Variants in SSH1 observed in about 807,000 individuals in gnomAD.
SSH1 encodes protein phosphatase Slingshot homolog 1.
A neutral mutation model predicts 79.7 loss-of-function variants in SSH1; 43 were observed. The observed-to-expected ratio is 0.54, with a 90% confidence interval of 0.42 to 0.70. The LOEUF is 0.70. Ranked by LOEUF, SSH1 falls within the 30% of genes least tolerant of loss-of-function variation. SSH1 has a pLI of 0.00. For missense variants in SSH1, 1,206 were observed against 1,358.8 expected, an observed-to-expected ratio of 0.89 and a Z score of 1.77; for synonymous variants, 599 against 538.3, an observed-to-expected ratio of 1.11 and a Z score of -1.56.
At chr12:108,851,806 C>T (rs1376952085) in intron 2 of SSH1, among the ~76,000 whole-genome samples, 1 of 151,940 alleles carries the variant, frequency 6.6e-6, no homozygotes, top group Non-Finnish European at 1.5e-5. Context: ...AAGTGCTTAC[C>T]GCAAAAGGAA....
In SSH1 at chr12:108,802,336, T is replaced by C. The variant is rs2037051582; in HGVS notation, c.987A>G (p.Glu329=). Residue 329 remains glutamate, a synonymous_variant, in exon 11 of 15, where the codon GAA becomes GAG. Transcript: ENST00000326495. ...AGGAGACTCACCCTGAGCCCTGCAG[T>C]TCCTCCAGATTGGATGCATTCCATT... The part of the protein sequence containing the change: ...GSEWNASNLE[E]LQGSGVDYIL... 1.9e-6 allele frequency: 3 copies of C among 1,613,838 alleles called. No individual in the cohort carries two copies. Among genetic ancestry groups the C allele is most frequent in the East Asian group, 4.5e-5 (2 of 44,880 alleles).
Position 108,857,313 on chromosome 12 carries a change from G to A in SSH1, c.69+115C>T, listed in dbSNP as rs568165116. On this transcript the variant is annotated intron_variant, in intron 1 of 14. Transcript: ENST00000326495. This position sits in a 1 kb window ranked among gnomAD's most constrained non-coding sequence, Gnocchi z 4.7. ...GCTGCCCGGCTCTGTTCCTACGGCG[G>A]GGCCCCGAGGAGCCCGCGCAGCCGC... 5.4e-4 allele frequency: 273 copies of A among 508,226 alleles called. 2 individuals are homozygous for A. The highest frequency in any genetic ancestry group is 2.5e-4 in the Non-Finnish European group (98 of 393,950). The allele number at this position is 508,226 out of a possible 1,614,324, so 31.5% of individuals were successfully genotyped here. A position where few individuals can be genotyped will look rare whatever the true frequency, so the allele number is the denominator to read the frequency against.
chr12:108,806,851 A>G (rs746782499), intron 8 of SSH1, among the ~76,000 whole-genome samples: 2 of 152,228 alleles, frequency 1.3e-5, no homozygotes, highest in African/African-American at 2.4e-5. Context: ...TCTAGGGGAC[A>G]CACAGACCAG....
intron 1 of SSH1, among the ~76,000 whole-genome samples, chr12:108,855,103 C>A (rs1235055349): frequency 6.6e-6 from 1 of 152,084 alleles, no homozygotes; most frequent in Non-Finnish European, 1.5e-5. Context: ...AGACACAACA[C>A]AAATGTCCAA....
At chr12:108,833,794 CATTTTAGTTA>C (rs1566011610) in intron 2 of SSH1, 1 of 152,330 alleles carries the variant, frequency 6.6e-6, no homozygotes, top group East Asian at 1.9e-4. Flanking sequence ...CATTTTATTT[CATTTTAGTTA>C]ATTTAAATTT....
chr12:108,802,684 G>C (rs2037072006), intron 10 of SSH1, among the ~76,000 whole-genome samples: 1 of 152,166 alleles, frequency 6.6e-6, no homozygotes, highest in Admixed American at 6.5e-5. Context: ...GTCCAGTGGG[G>C]GGGGGTCCTG....
At chr12:108,815,421 G>C (rs890749380) in intron 5 of SSH1, among the ~76,000 whole-genome samples, 5 of 152,214 alleles carry the variant, frequency 3.3e-5, no homozygotes, top group Non-Finnish European at 5.9e-5. Flanking sequence ...CAGGCCATGG[G>C]AGGCCGATTT....
At position 108,807,924 on chromosome 12, in the gene SSH1, CA is replaced by C. The variant is rs2037368596; in HGVS notation, c.537-98del. On this transcript the variant is annotated intron_variant, in intron 7 of 14. Transcript: ENST00000326495. The surrounding 1 kb of genome is among the most constrained non-coding windows in gnomAD (Gnocchi z 5.2). Reference sequence around the variant, plus strand: ...GGGTTCAAATACGGGAAGGGAAGGGCAATGATTGATTGGTTGATTATTTCTT... The same window carrying C: ...GGGTTCAAATACGGGAAGGGAAGGGCATGATTGATTGGTTGATTATTTCTT... 1 of 1,080,182 alleles carries C rather than the reference CA, an allele frequency of 9.3e-7. No individual in the cohort carries two copies. Among genetic ancestry groups the C allele is most frequent in the South Asian group, 1.3e-5 (1 of 75,988 alleles). 66.9% of individuals were successfully genotyped at this position (1,080,182 alleles called of 1,614,324 possible).
At position 108,779,411 on chromosome 12, in the gene SSH1, G is replaced by C. The variant is rs145167169; in HGVS notation, c.*8577C>G. Reference sequence around the variant, plus strand: ...CTGCTTCCTTGCTGAAACCACAAGGGAGATCAAGATGCATCTTTGTCTGGC... The same window carrying C: ...CTGCTTCCTTGCTGAAACCACAAGGCAGATCAAGATGCATCTTTGTCTGGC... On this transcript the variant is annotated 3_prime_UTR_variant, in exon 15 of 15. Transcript: ENST00000326495. The C allele has an allele frequency of 6.6e-6, 1 of 152,322 alleles. No individual in the cohort carries two copies. The highest frequency in any genetic ancestry group is 1.5e-5 in the Non-Finnish European group (1 of 68,036). 9.4% of individuals were successfully genotyped at this position (152,322 alleles called of 1,614,324 possible).
chr12:108,810,826 T>C (rs1185100645), intron 6 of SSH1, among the ~76,000 whole-genome samples: 1 of 152,168 alleles, frequency 6.6e-6, no homozygotes, highest in Non-Finnish European at 1.5e-5. Context: ...GCCCCCAGGG[T>C]GGCGCTTGAA....
intron 2 of SSH1, among the ~76,000 whole-genome samples, chr12:108,843,844 T>A (rs1330627958): frequency 6.6e-6 from 1 of 152,180 alleles, no homozygotes. Context: ...CTCTTAATAA[T>A]GTTTTTAAAA....
Position 108,783,603 on chromosome 12 carries a change from A to C in SSH1, c.*4385T>G, listed in dbSNP as rs2036190039. ...CCCCAGCACCTATGGCCAAACAAGA[A>C]GACGGCAGTCTCTCCAGAACCACCC... On this transcript the variant is annotated 3_prime_UTR_variant, in exon 15 of 15. Transcript: ENST00000326495. The C allele has an allele frequency of 1.3e-5, 2 of 152,192 alleles. No homozygotes were observed. The highest frequency in any genetic ancestry group is 2.1e-4 in the South Asian group (1 of 4,830). 9.4% of individuals were successfully genotyped at this position (152,192 alleles called of 1,614,324 possible). A position where few individuals can be genotyped will look rare whatever the true frequency, so the allele number is the denominator to read the frequency against.
intron 2 of SSH1, among the ~76,000 whole-genome samples, chr12:108,832,698 G>A (rs535386517): frequency 2.6e-5 from 4 of 152,184 alleles, no homozygotes; most frequent in Non-Finnish European, 4.4e-5. Flanking sequence ...TTTGGAACTC[G>A]TGTTTAAAAG....
In SSH1 at chr12:108,788,485, C is replaced by T. The variant is rs748642886; in HGVS notation, c.2653G>A (p.Ala885Thr). The T allele has an allele frequency of 1.7e-5, 27 of 1,555,644 alleles. No individual in the cohort carries two copies. The highest frequency in any genetic ancestry group is 2.2e-5 in the Non-Finnish European group (25 of 1,153,548). Residue 885 changes from alanine to threonine, a missense_variant, in exon 15 of 15, where the codon GCC becomes ACC. By Grantham distance (58) the Ala-to-Thr change is moderately conservative. Transcript: ENST00000326495. ...SQAGSDEKSE[A>T]APASLEGGSL... is the part of the protein sequence containing the mutation. ...CCTCCTTCCAATGAAGCGGGGGCGG[C>T]CTCTGACTTCTCATCACTCCCGGCC...
intron 2 of SSH1, among the ~76,000 whole-genome samples, chr12:108,838,677 C>T (rs2038701714): frequency 6.6e-6 from 1 of 152,228 alleles, no homozygotes. Flanking sequence ...GATAGGCATG[C>T]AGCATCAGCT....
At chr12:108,817,634 C>T (rs1462748988) in intron 4 of SSH1, among the ~76,000 whole-genome samples, 1 of 152,172 alleles carries the variant, frequency 6.6e-6, no homozygotes, top group Non-Finnish European at 1.5e-5. Context: ...AACCAGGCCT[C>T]GTTTCTCTCT....
At chr12:108,824,957 T>C (rs917819808) in intron 2 of SSH1, among the ~76,000 whole-genome samples, 3 of 152,176 alleles carry the variant, frequency 2.0e-5, no homozygotes, top group Non-Finnish European at 4.4e-5. Flanking sequence ...GGAGGAGGAA[T>C]AGATTATCTT....
At position 108,799,200 on chromosome 12, in the gene SSH1, C is replaced by T. The variant is rs2036880352; in HGVS notation, c.1149G>A (p.Lys383=). Residue 383 remains lysine (K), a splice_region_variant and synonymous_variant, in exon 13 of 15, where the codon AAG becomes AAA. Coordinates refer to ENST00000326495, the MANE Select transcript of SSH1 (RefSeq NM_018984.4). ...GCACCAGGCACTTGGAATGGTTCCT[C>T]CTGCAGGGGTGGGAGCAGTTGGGGA... ...NEAYHFINKA[K]RNHSKCLVHC... 1 of 1,611,668 alleles carries T rather than the reference C, an allele frequency of 6.2e-7. No individual in the cohort carries two copies. Among genetic ancestry groups the T allele is most frequent in the East Asian group, 2.2e-5 (1 of 44,802 alleles).
intron 9 of SSH1, 150 bp from the exon 10 acceptor site, chr12:108,805,334 AC>A: frequency 1.3e-6 from 1 of 788,410 alleles, no homozygotes; most frequent in East Asian, 2.7e-5. Context: ...GATACACGCA[AC>A]ATACATGCGT....
Sources: allele counts gnomAD v4.1 joint callset (sites outside exome capture counted in the v4.1 genomes callset), GRCh38; gene constraint gnomAD v4.1.1; non-coding constraint Gnocchi (gnomAD v3.1); transcripts MANE v1.5; gene names NCBI Gene and HGNC (gene_info 2026-07-23, HGNC 2026-07-21).